UNC45A: variants seen among roughly 807,000 people sequenced by gnomAD.
UNC45A encodes unc-45 myosin chaperone A.
Under a neutral mutation model 103.2 loss-of-function variants are expected in UNC45A, and 78 were observed. The observed-to-expected ratio is 0.76, with a 90% CI of 0.63 to 0.91. The LOEUF (loss-of-function observed/expected upper bound fraction) is 0.91. Ranked by LOEUF, UNC45A falls within the 40% of genes least tolerant of loss-of-function variation. The probability of loss-of-function intolerance (pLI) is 0.00; values close to 1 mark genes in which losing one functional copy is unlikely to be tolerated. For missense variants in UNC45A, 1,193 were observed against 1,224.8 expected (o/e 0.97, Z 0.39); for synonymous variants, 495 against 504.6 (o/e 0.98, Z 0.25).
intron 8 of UNC45A, 67 bp from the exon 9 acceptor site, chr15:90,944,825 A>G: frequency 6.5e-7 from 1 of 1,541,432 alleles, no homozygotes; most frequent in South Asian, 1.2e-5. Context: ...TCTCCTAGGA[A>G]GCCTGTTTCT....
At chr15:90,948,326 G>T in intron 12 of UNC45A, 43 bp downstream of exon 12, 2 of 1,606,946 alleles carry the variant, frequency 1.2e-6, no homozygotes, top group Non-Finnish European at 1.7e-6. Context: ...ACACTGTCTA[G>T]GATTAGACCT....
Position 90,953,743 on chromosome 15 carries a change from A to G in UNC45A, c.*27A>G. 1 of 1,607,352 alleles carries G rather than the reference A, an allele frequency of 6.2e-7. No homozygotes were observed. The highest frequency in any genetic ancestry group is 2.2e-5 in the East Asian group (1 of 44,684). On this transcript the variant is annotated 3_prime_UTR_variant, in exon 20 of 20. Transcript: ENST00000418476. ...GGGGTTGTCCCTGGGCCCAAGGCTCATGCACACGCTACCTATTGTGGCACG... is the reference window on the plus strand; with the variant it reads ...GGGGTTGTCCCTGGGCCCAAGGCTCGTGCACACGCTACCTATTGTGGCACG...
At chr15:90,950,069 G>T (rs770356081) in intron 15 of UNC45A, 85 bp from the exon 16 acceptor site, 16 of 1,300,622 alleles carry the variant, frequency 1.2e-5, no homozygotes, top group Non-Finnish European at 1.5e-5. Context: ...GGAAGGTGAG[G>T]GTGGCACGGT....
chr15:90,942,353 G>T (rs142904729), intron 6 of UNC45A, 84 bp from the exon 7 acceptor site: 75 of 1,479,742 alleles, frequency 5.1e-5, no homozygotes, highest in Non-Finnish European at 6.4e-5. Flanking sequence ...CCTTCTGGCC[G>T]TATCCTCTAA....
chr15:90,932,545 C>A (rs1250927580), upstream of UNC45A: 1 of 1,253,076 alleles, frequency 8.0e-7, no homozygotes, highest in Non-Finnish European at 1.0e-6. Context: ...GCCCATCGCG[C>A]GGATGGGGCC....
intron 17 of UNC45A, among the ~76,000 whole-genome samples, chr15:90,951,976 G>T (rs1174622108): frequency 1.3e-5 from 2 of 150,952 alleles, no homozygotes; most frequent in Non-Finnish European, 2.9e-5. Context: ...TCACCATCAC[G>T]ACCACCCTGG....
At chr15:90,947,597 T>C (rs761497509) in intron 10 of UNC45A, 199 bp from the exon 11 acceptor site, 143 of 593,186 alleles carry the variant, frequency 2.4e-4, no homozygotes, top group Middle Eastern at 4.5e-4. Flanking sequence ...GCAGATGCTG[T>C]GTCATGCGGC....
At chr15:90,935,425 T>A (rs2035956412) in intron 1 of UNC45A, 50 bp downstream of exon 1, 8 of 1,579,612 alleles carry the variant, frequency 5.1e-6, no homozygotes, top group Non-Finnish European at 6.9e-6. Context: ...GCCCTGACCA[T>A]CCCTGGCCTC....
rs1399914135 is a variant in UNC45A at position 90,946,607 on chromosome 15, C to T, written c.1200-7C>T. On this transcript the variant is annotated splice_region_variant and splice_polypyrimidine_tract_variant and intron_variant, in intron 9 of 19. Coordinates refer to ENST00000418476, the MANE Select transcript of UNC45A (RefSeq NM_018671.5). ...TGGTGTGACGGCTGTCACCCTGTGC[C>T]CCTCAGGAGCTGGTTTGAGGGCCAA... The T allele has an allele frequency of 4.4e-6, 7 of 1,594,708 alleles. No individual in the cohort carries two copies. Among genetic ancestry groups the T allele is most frequent in the Middle Eastern group, 2.3e-4 (1 of 4,406 alleles).
intron 12 of UNC45A, 119 bp downstream of exon 12, chr15:90,948,402 C>G: frequency 4.8e-6 from 7 of 1,459,762 alleles, no homozygotes; most frequent in Non-Finnish European, 6.5e-6. Context: ...GGGCTGGTGG[C>G]TGAGTGGCTG....
chr15:90,932,606 C>T, upstream of UNC45A: 1 of 1,013,652 alleles, frequency 9.9e-7, no homozygotes, highest in Non-Finnish European at 1.3e-6. Context: ...CGCCCCCTGG[C>T]GCCGGGGAGG....
At position 90,953,225 on chromosome 15, in the gene UNC45A, A is replaced by C; in HGVS notation, c.2492A>C (p.Asp831Ala). The C allele has an allele frequency of 6.2e-7, 1 of 1,613,834 alleles. No individual in the cohort carries two copies. Among genetic ancestry groups the C allele is most frequent in the Non-Finnish European group, 8.5e-7 (1 of 1,180,030 alleles). Residue 831 changes from aspartate to alanine, a missense_variant, in exon 19 of 20, where the codon GAT becomes GCT. Transcript: ENST00000418476. ...KLLVLYSGED[D>A]ELLQRAAAGG... ...CTGGTGCTGTACAGTGGAGAGGATG[A>C]TGAGCTGCTACAGCGGGCAGCTGCC...
chr15:90,951,914 C>A (rs555537957), intron 17 of UNC45A, among the ~76,000 whole-genome samples: 3 of 152,210 alleles, frequency 2.0e-5, no homozygotes, highest in South Asian at 2.1e-4. Flanking sequence ...AGAGTGAGAT[C>A]CTGCCTCAAA....
upstream of UNC45A, chr15:90,933,790 C>T (rs1166233755): frequency 2.8e-6 from 1 of 362,990 alleles, no homozygotes; most frequent in Non-Finnish European, 4.9e-6. Flanking sequence ...CTCATTCTGT[C>T]CTCTAGTCCT....
At chr15:90,931,866 G>A, upstream of UNC45A, 3 of 1,614,040 alleles carry the variant, frequency 1.9e-6, no homozygotes, top group Non-Finnish European at 1.7e-6. Context: ...ACCAGGCGCC[G>A]CACTTGTGCC....
intron 3 of UNC45A, 60 bp downstream of exon 3, chr15:90,936,042 T>C: frequency 1.2e-6 from 2 of 1,607,350 alleles, no homozygotes; most frequent in Non-Finnish European, 1.7e-6. Flanking sequence ...GCAAGGACTC[T>C]GGGACCGCTG....
intron 4 of UNC45A, among the ~76,000 whole-genome samples, chr15:90,936,687 A>G (rs1178043922): frequency 6.6e-6 from 1 of 152,236 alleles, no homozygotes; most frequent in Admixed American, 6.5e-5. Context: ...CAGACACATC[A>G]GTGGTGAGGC....
rs2037051347 is a variant in UNC45A at position 90,953,515 on chromosome 15, G to A, written c.2634G>A (p.Leu878=). 12 of 1,614,154 alleles carry A rather than the reference G, an allele frequency of 7.4e-6. No individual in the cohort carries two copies. Among genetic ancestry groups the A allele is most frequent in the Non-Finnish European group, 1.0e-5 (12 of 1,180,040 alleles). The change falls in exon 20 of 20, where the codon CTG becomes CTA. Residue 878 remains leucine (L), a synonymous_variant. Transcript: ENST00000418476. The part of the protein sequence containing the change: ...QALLLSSNQE[L]QHRGAVVVLN... ...TGCTTCTGAGCTCCAACCAGGAGCT[G>A]CAGCACCGGGGTGCTGTGGTGGTGC...
intron 10 of UNC45A, 37 bp from the exon 11 acceptor site, chr15:90,947,759 T>A: frequency 6.5e-7 from 1 of 1,540,012 alleles, no homozygotes; most frequent in Non-Finnish European, 9.0e-7. Flanking sequence ...CCTGCCTCCT[T>A]CCCCAGAGGC....
Sources: allele counts gnomAD v4.1 joint callset (sites outside exome capture counted in the v4.1 genomes callset), GRCh38; gene constraint gnomAD v4.1.1; transcripts MANE v1.5; gene names NCBI Gene and HGNC (gene_info 2026-07-23, HGNC 2026-07-21).